Variants in TMEM14A observed in about 807,000 individuals in gnomAD.
The protein encoded by TMEM14A is transmembrane protein 14A.
A neutral mutation model predicts 11.6 loss-of-function variants in TMEM14A; 8 were observed. The observed-to-expected ratio is 0.69, with a 90% CI of 0.40 to 1.24. TMEM14A has a LOEUF of 1.24. Among genes scored for constraint, TMEM14A ranks in the 50% most tolerant of loss-of-function variants. The pLI is 0.01. For missense variants in TMEM14A, 108 were observed against 121.9 expected, an observed-to-expected ratio of 0.89 and a Z score of 0.54; for synonymous variants, 34 against 45.5, an observed-to-expected ratio of 0.75 and a Z score of 1.02.
intron 2 of TMEM14A, among the ~76,000 whole-genome samples, chr6:52,681,191 G>T (rs528877506): frequency 1.3e-5 from 2 of 151,986 alleles, no homozygotes; most frequent in Non-Finnish European, 2.9e-5. Flanking sequence ...GGGTATGTGG[G>T]TTGGGGGCTG....
At chr6:52,682,047 C>G (rs1272520333) in intron 3 of TMEM14A, 133 bp downstream of exon 3, 7 of 629,028 alleles carry the variant, frequency 1.1e-5, no homozygotes, top group Non-Finnish European at 1.9e-5. Context: ...AGGCTGAATA[C>G]AACACTTATT....
intron 2 of TMEM14A, among the ~76,000 whole-genome samples, chr6:52,680,888 TTGTG>T (rs1193545199): frequency 6.8e-6 from 1 of 146,566 alleles, no homozygotes; most frequent in East Asian, 2.0e-4. Context: ...GTGTGTGTGT[TTGTG>T]TGTTGTATGT....
At chr6:52,680,704 T>TATATATATATATATATATACAC (rs371102796) in intron 2 of TMEM14A, among the ~76,000 whole-genome samples, 2,166 of 51,040 alleles carry the variant, frequency 0.042, 312 homozygotes, top group Non-Finnish European at 0.075. Flanking sequence ...TATATATATA[T>TATATATATATATATATATACAC]ACACATATAT....
intron 3 of TMEM14A, among the ~76,000 whole-genome samples, chr6:52,683,163 G>C (rs1229229737): frequency 6.6e-6 from 1 of 152,108 alleles, no homozygotes; most frequent in Admixed American, 6.5e-5. Context: ...ATTTAGGTTA[G>C]AAAAAGACTT....
chr6:52,678,329 TTGTGTGTGTGTG>T (rs201993880), intron 2 of TMEM14A, among the ~76,000 whole-genome samples: 7 of 30,084 alleles, frequency 2.3e-4, no homozygotes, highest in South Asian at 1.0e-3. Flanking sequence ...ATGTGTGTGT[TTGTGTGTGTGTG>T]TGTGTGTGTG....
Position 52,684,130 on chromosome 6 carries a change from GA to G in TMEM14A, c.229del (p.Ile77Ter). 1.9e-6 allele frequency: 3 copies of G among 1,613,862 alleles called. No individual in the cohort carries two copies. The highest frequency in any genetic ancestry group is 2.5e-6 in the Non-Finnish European group (3 of 1,179,880). ...TGGGTGTGAGATTTAAGAGGTCCAA[GA>G]AAATAATGCCTGCTGGTTTGGTTGC... The part of the protein sequence containing the change: ...IMGVRFKRSK[K>X]IMPAGLVAGL... On this transcript the variant is annotated frameshift_variant, in exon 4 of 5. Transcript: ENST00000211314. LOFTEE classifies it high-confidence loss of function.
chr6:52,675,349 C>T (rs1004280187), intron 1 of TMEM14A, among the ~76,000 whole-genome samples: 9 of 152,298 alleles, frequency 5.9e-5, no homozygotes, highest in South Asian at 2.1e-4. Flanking sequence ...GAAATATAGA[C>T]GTGAGAAAGC....
intron 3 of TMEM14A, among the ~76,000 whole-genome samples, chr6:52,683,038 A>G (rs1420502775): frequency 6.6e-6 from 1 of 152,162 alleles, no homozygotes; most frequent in African/African-American, 2.4e-5. Context: ...CTTTATATTC[A>G]GTTAACTGAA....
At chr6:52,672,975 G>A (rs1211966379) in intron 1 of TMEM14A, among the ~76,000 whole-genome samples, 1 of 152,140 alleles carries the variant, frequency 6.6e-6, no homozygotes, top group African/African-American at 2.4e-5. Flanking sequence ...GCTTATGTGG[G>A]TGTACAGCCC....
At chr6:52,680,667 G>GTATATATATATATACATATA (rs1561875042) in intron 2 of TMEM14A, among the ~76,000 whole-genome samples, 2 of 24,902 alleles carry the variant, frequency 8.0e-5, no homozygotes, top group African/African-American at 2.3e-4. Flanking sequence ...GTATATATAT[G>GTATATATATATATACATATA]TGTATATATA....
intron 1 of TMEM14A, among the ~76,000 whole-genome samples, chr6:52,674,171 T>G (rs1326564528): frequency 3.3e-5 from 5 of 151,994 alleles, no homozygotes; most frequent in Non-Finnish European, 7.4e-5. Context: ...TAGCATATGG[T>G]TAGCTCCTTT....
chr6:52,671,570 C>T (rs1348191932), intron 1 of TMEM14A, among the ~76,000 whole-genome samples: 3 of 152,164 alleles, frequency 2.0e-5, no homozygotes, highest in African/African-American at 7.2e-5. Flanking sequence ...CTTCTCAGCA[C>T]CACCCAGACC....
chr6:52,681,721 T>C, intron 2 of TMEM14A, 92 bp from the exon 3 acceptor site: 1 of 1,081,272 alleles, frequency 9.2e-7, no homozygotes. Flanking sequence ...AGGAATACAT[T>C]TGAAGGTGCC....
intron 1 of TMEM14A, 130 bp downstream of exon 1, chr6:52,671,375 A>G (rs2127260551): frequency 6.6e-6 from 1 of 152,348 alleles, no homozygotes; most frequent in South Asian, 2.1e-4. Flanking sequence ...ACGATGATGC[A>G]GAGGACCTTG....
chr6:52,686,003 A>G lies in TMEM14A; in HGVS notation c.261-7A>G. On this transcript the variant is annotated splice_region_variant and splice_polypyrimidine_tract_variant and intron_variant, in intron 4 of 4. Coordinates refer to ENST00000211314, the MANE Select transcript of TMEM14A (RefSeq NM_014051.4). ...CTCCCTTTGTCTTTGTTTTATTTTA[A>G]ATCCAGCCTCATGATGATCCTGAGA... 6.2e-7 allele frequency: 1 copy of G among 1,609,972 alleles called. No homozygotes were observed. Among genetic ancestry groups the G allele is most frequent in the Non-Finnish European group, 8.5e-7 (1 of 1,178,380 alleles).
chr6:52,673,960 T>C (rs747911066), intron 1 of TMEM14A, among the ~76,000 whole-genome samples: 5 of 152,240 alleles, frequency 3.3e-5, no homozygotes, highest in African/African-American at 9.6e-5. Flanking sequence ...GAGTAATCAT[T>C]GGAGCAGCTA....
At chr6:52,680,587 A>ATT (rs1769347448) in intron 2 of TMEM14A, among the ~76,000 whole-genome samples, 1 of 92,622 alleles carries the variant, frequency 1.1e-5, no homozygotes, top group Non-Finnish European at 2.3e-5. Context: ...CTATATATTT[A>ATT]TATATTTATA....
chr6:52,684,301 T>C (rs1211032084), intron 4 of TMEM14A, 136 bp downstream of exon 4: 1 of 716,294 alleles, frequency 1.4e-6, no homozygotes, highest in Non-Finnish European at 2.3e-6. Context: ...AACCTTAAGA[T>C]AGCATGGATT....
chr6:52,675,395 T>TA (rs1371695378), intron 1 of TMEM14A, among the ~76,000 whole-genome samples: 4 of 152,196 alleles, frequency 2.6e-5, no homozygotes, highest in African/African-American at 9.7e-5. Flanking sequence ...TCTTAGAACT[T>TA]AAAAAGCTGT....
Sources: allele counts gnomAD v4.1 joint callset (sites outside exome capture counted in the v4.1 genomes callset), GRCh38; gene constraint gnomAD v4.1.1; transcripts MANE v1.5; gene names NCBI Gene and HGNC (gene_info 2026-07-23, HGNC 2026-07-21).